CCDC102B: variants seen among roughly 807,000 people sequenced by gnomAD.
CCDC102B encodes the protein coiled-coil domain-containing protein 102B.
A neutral mutation model predicts 57.4 loss-of-function variants in CCDC102B; 75 were observed. That is an observed-to-expected ratio of 1.31 (90% CI 1.08 to 1.58). CCDC102B has a LOEUF of 1.58. Among genes scored for constraint, CCDC102B ranks in the 40% most tolerant of loss-of-function variants. CCDC102B has a pLI of 0.00. For synonymous variants in CCDC102B, 206 were observed against 201.9 expected (o/e 1.02, Z -0.17); for missense variants, 636 against 582.6 (o/e 1.09, Z -0.94).
At chr18:68,858,003 G>A (rs1456203358) in intron 4 of CCDC102B, among the ~76,000 whole-genome samples, 1 of 152,132 alleles carries the variant, frequency 6.6e-6, no homozygotes, top group African/African-American at 2.4e-5. Context: ...CTAATCTCAG[G>A]TTTTGACTTA....
intron 2 of CCDC102B, among the ~76,000 whole-genome samples, chr18:68,735,403 A>C (rs954942045): frequency 6.6e-6 from 1 of 152,104 alleles, no homozygotes; most frequent in Non-Finnish European, 1.5e-5. Flanking sequence ...ATATAATTTT[A>C]TATCCAACAT....
At chr18:69,006,985 C>CT (rs2051368214) in intron 6 of CCDC102B, among the ~76,000 whole-genome samples, 2 of 152,150 alleles carry the variant, frequency 1.3e-5, no homozygotes, top group African/African-American at 4.8e-5. Flanking sequence ...AATATTATCT[C>CT]TAACACGGGA....
intron 2 of CCDC102B, among the ~76,000 whole-genome samples, chr18:68,722,894 G>T (rs910019575): frequency 6.9e-6 from 1 of 145,882 alleles, no homozygotes; most frequent in Non-Finnish European, 1.5e-5. Flanking sequence ...TTTTCTTTTT[G>T]CAACCTTTTT....
intron 2 of CCDC102B, among the ~76,000 whole-genome samples, chr18:68,749,455 G>A (rs2033759082): frequency 1.3e-5 from 2 of 152,146 alleles, no homozygotes; most frequent in South Asian, 4.1e-4. Context: ...ATTTCATTGA[G>A]CAGTGGTTTG....
intron 1 of CCDC102B, among the ~76,000 whole-genome samples, chr18:68,801,153 T>G (rs1599481028): frequency 6.6e-6 from 1 of 152,130 alleles, no homozygotes; most frequent in East Asian, 1.9e-4. Context: ...ATGAGGATAG[T>G]TGAAATGCAA....
chr18:68,746,923 A>G (rs1221270670), intron 2 of CCDC102B, among the ~76,000 whole-genome samples: 1 of 151,858 alleles, frequency 6.6e-6, no homozygotes, highest in East Asian at 1.9e-4. Context: ...GTAACATAAG[A>G]TCTATATTTA....
intron 6 of CCDC102B, 75 bp downstream of exon 6, chr18:68,897,503 G>A (rs924733521): frequency 6.1e-5 from 95 of 1,553,158 alleles, no homozygotes; most frequent in Middle Eastern, 3.3e-4. Flanking sequence ...GTCTTCACTC[G>A]TACACGCCTC....
At chr18:68,796,000 T>C (rs1378998096), upstream of CCDC102B, among the ~76,000 whole-genome samples, 3 of 152,134 alleles carry the variant, frequency 2.0e-5, no homozygotes, top group African/African-American at 7.2e-5. Context: ...AGAAAAGTTG[T>C]GGTTTAGAAG....
intron 1 of CCDC102B, among the ~76,000 whole-genome samples, chr18:68,805,573 A>C (rs940152118): frequency 2.6e-5 from 4 of 152,168 alleles, no homozygotes; most frequent in Non-Finnish European, 5.9e-5. Context: ...GAGAGAAAAA[A>C]CAATACAGTC....
chr18:68,894,016 C>T (rs1452574633), intron 5 of CCDC102B, among the ~76,000 whole-genome samples: 7 of 152,142 alleles, frequency 4.6e-5, no homozygotes, highest in Non-Finnish European at 1.0e-4. Context: ...CCTTATTAAA[C>T]TTCAATTTGC....
rs571296360 is a variant in CCDC102B, at chr18:69,051,177, C to G, written c.1435-2853C>G. ...GAGATTATAGATGTGAGCCTCTTTT[C>G]CTGGCCTAATAAGGCAATTTATACT... On this transcript the variant is annotated intron_variant, in intron 7 of 7. Coordinates refer to ENST00000360242, the MANE Select transcript of CCDC102B (RefSeq NM_024781.3). Among the ~76,000 whole-genome samples the G allele has an allele frequency of 3.9e-5, 6 of 152,234 alleles. No individual in the cohort carries two copies. The South Asian group carries it at 1.2e-3, about 32-fold the overall frequency.
rs142909889 is a variant in CCDC102B at position 68,920,711 on chromosome 18, C to T, written c.1263+23283C>T. ...GAGGAAGGCAAAGGAGAAGCAGGCA[C>T]CTTTCTCACAGGGCAGCAGGACAGA... On this transcript the variant is annotated intron_variant, in intron 6 of 7. Transcript: ENST00000360242. Among the ~76,000 whole-genome samples the T allele has an allele frequency of 3.9e-3, 600 of 152,190 alleles. 10 individuals are homozygous for T. Among genetic ancestry groups the T allele is most frequent in the African/African-American group, 0.013 (548 of 41,534 alleles).
At chr18:68,744,453 T>A (rs1232892633) in intron 2 of CCDC102B, among the ~76,000 whole-genome samples, 1 of 152,128 alleles carries the variant, frequency 6.6e-6, no homozygotes, top group African/African-American at 2.4e-5. Flanking sequence ...GTAAACAATA[T>A]AACACAGAGA....
intron 7 of CCDC102B, among the ~76,000 whole-genome samples, chr18:69,017,607 G>A (rs1027303610): frequency 1.3e-5 from 2 of 151,838 alleles, no homozygotes; most frequent in African/African-American, 4.8e-5. Flanking sequence ...ATTACCAGTC[G>A]AATGCATTAG....
chr18:68,882,273 C>G (rs1268483814), intron 5 of CCDC102B, among the ~76,000 whole-genome samples: 1 of 152,110 alleles, frequency 6.6e-6, no homozygotes, highest in Non-Finnish European at 1.5e-5. Context: ...TGATCTGTGT[C>G]AGAACATCCA....
At chr18:68,822,326 G>A (rs774686370) in intron 1 of CCDC102B, among the ~76,000 whole-genome samples, 5 of 151,828 alleles carry the variant, frequency 3.3e-5, no homozygotes, top group South Asian at 2.1e-4. Context: ...CCTGGGAGGC[G>A]TAGGTTGCAG....
intron 6 of CCDC102B, among the ~76,000 whole-genome samples, chr18:68,957,709 A>G (rs1291657404): frequency 2.0e-5 from 3 of 152,084 alleles, no homozygotes; most frequent in East Asian, 3.9e-4. Flanking sequence ...TTTGGGTAGT[A>G]TGGACATTTT....
intron 7 of CCDC102B, among the ~76,000 whole-genome samples, 165 bp from the exon 8 acceptor site, chr18:69,053,865 T>A (rs1458253167): frequency 6.6e-6 from 1 of 151,984 alleles, no homozygotes; most frequent in African/African-American, 2.4e-5. Flanking sequence ...TCAAGCTACT[T>A]AATATATGTA....
intron 7 of CCDC102B, among the ~76,000 whole-genome samples, chr18:69,018,732 A>ATTT (rs149724574): frequency 4.0e-5 from 6 of 151,528 alleles, no homozygotes; most frequent in African/African-American, 1.5e-4. Flanking sequence ...TTGCCTTTTC[A>ATTT]TTTTCTTTTT....
Sources: gnomAD v4.1 joint callset for allele counts (sites outside exome capture counted in the v4.1 genomes callset) on GRCh38, gnomAD v4.1.1 for gene constraint, MANE v1.5 for transcripts, NCBI Gene and HGNC (gene_info 2026-07-23, HGNC 2026-07-21) for gene names.